The following TRERF1 variants were observed in gnomAD, a reference collection of about 807,000 sequenced individuals.
TRERF1 encodes transcriptional-regulating factor 1.
Under a neutral mutation model 122.9 loss-of-function variants are expected in TRERF1, and 27 were observed. That is an observed-to-expected ratio of 0.22 (90% CI 0.16 to 0.30). TRERF1 has a LOEUF of 0.30. TRERF1 is among the 10% of genes least tolerant of loss of function. The pLI, the probability that TRERF1 is intolerant of heterozygous loss-of-function variation, is 1.00. For synonymous variants in TRERF1, 636 were observed against 641.7 expected, an observed-to-expected ratio of 0.99 and a Z score of 0.13; for missense variants, 1,248 against 1,560.3, an observed-to-expected ratio of 0.80 and a Z score of 3.37.
chr6:42,417,583 A>G (rs981419098), intron 2 of TRERF1, among the ~76,000 whole-genome samples: 2 of 152,168 alleles, frequency 1.3e-5, no homozygotes, highest in African/African-American at 4.8e-5. Context: ...AAAGAGGAGG[A>G]ACGACTGGCC....
At chr6:42,385,829 T>C (rs1202603091) in intron 2 of TRERF1, among the ~76,000 whole-genome samples, 1 of 152,242 alleles carries the variant, frequency 6.6e-6, no homozygotes, top group African/African-American at 2.4e-5. Flanking sequence ...ATAAATCTTC[T>C]CTGCACAGTC....
chr6:42,269,134 G>C lies in TRERF1; in HGVS notation c.457C>G (p.Gln153Glu). The C allele has an allele frequency of 6.2e-7, 1 of 1,614,220 alleles. No individual in the cohort carries two copies. Among genetic ancestry groups the C allele is most frequent in the Non-Finnish European group, 8.5e-7 (1 of 1,180,036 alleles). ...TTGTTGACCTGAATTCGCAGGTTTT[G>C]GTTGGCAAACACCTGGGTGAAAGAG... Residue 153 changes from glutamine to glutamate, a missense_variant, in exon 5 of 18, where the codon CAA becomes GAA. Physicochemically the swap from Gln to Glu is conservative, Grantham distance 29. Transcript: ENST00000372922. The surrounding 1 kb of genome is among the most constrained non-coding windows in gnomAD (Gnocchi z 4.9).
intron 15 of TRERF1, among the ~76,000 whole-genome samples, chr6:42,239,957 C>G (rs573481746): frequency 1.3e-5 from 2 of 152,240 alleles, no homozygotes; most frequent in East Asian, 3.9e-4. Context: ...CTGGCCCAGC[C>G]TAACACTGGC....
At chr6:42,301,710 G>A (rs1238513422) in intron 3 of TRERF1, among the ~76,000 whole-genome samples, 1 of 152,176 alleles carries the variant, frequency 6.6e-6, no homozygotes, top group South Asian at 2.1e-4. Context: ...ACTAAGCACC[G>A]ACTCAATTTC....
chr6:42,257,109 A>G lies in TRERF1; in HGVS notation c.2337-7T>C. On this transcript the variant is annotated splice_region_variant and splice_polypyrimidine_tract_variant and intron_variant, in intron 10 of 17. Coordinates refer to ENST00000372922, the Ensembl canonical transcript of TRERF1. ...CAAGCCAATGTTGATGCGTCTTTAA[A>G]TGACAAGAAGAAAAACAACAATGTG... The G allele has an allele frequency of 6.2e-7, 1 of 1,613,942 alleles. No homozygotes were observed. The highest frequency in any genetic ancestry group is 8.5e-7 in the Non-Finnish European group (1 of 1,179,952).
chr6:42,422,918 C>T (rs1347836141), intron 2 of TRERF1, among the ~76,000 whole-genome samples: 2 of 152,120 alleles, frequency 1.3e-5, no homozygotes, highest in Non-Finnish European at 2.9e-5. Context: ...TGGCTCACCA[C>T]AACCTCCATC....
In TRERF1 at chr6:42,236,308, TC is replaced by T; in HGVS notation, c.2962del (p.Glu988SerfsTer43). On this transcript the variant is annotated frameshift_variant, in exon 16 of 18. Transcript: ENST00000372922. LOFTEE classifies it high-confidence loss of function. Reference sequence around the variant, plus strand: ...AGCCAGGACGGGGACGGGTGGTGGCTCCGGGGACTTCGGCACCTCACTCTCT... The same window carrying T: ...AGCCAGGACGGGGACGGGTGGTGGCTCGGGGACTTCGGCACCTCACTCTCT... 1 of 1,606,678 alleles carries T rather than the reference TC, an allele frequency of 6.2e-7. No individual in the cohort carries two copies. Among genetic ancestry groups the T allele is most frequent in the Non-Finnish European group, 8.5e-7 (1 of 1,176,652 alleles).
At chr6:42,424,216 C>T (rs1783271036) in intron 2 of TRERF1, among the ~76,000 whole-genome samples, 1 of 152,112 alleles carries the variant, frequency 6.6e-6, no homozygotes, top group Admixed American at 6.5e-5. Flanking sequence ...ACATGCTGCC[C>T]ACGTAAGCAA....
chr6:42,227,419 A>T (rs1769703235), exon 18 of TRERF1: 1 of 152,264 alleles, frequency 6.6e-6, no homozygotes. Context: ...GTTGCAAAAA[A>T]GAATAGGCTT....
At chr6:42,436,643 A>C (rs1054955664) in intron 2 of TRERF1, among the ~76,000 whole-genome samples, 12 of 151,668 alleles carry the variant, frequency 7.9e-5, no homozygotes, top group Non-Finnish European at 1.6e-4. Context: ...TTAAATTTTT[A>C]ATCACTAGAC....
rs1775112897 is a variant in TRERF1 at position 42,248,063 on chromosome 6, CTT to C, written c.2657-1521_2657-1520del. On this transcript the variant is annotated intron_variant, in intron 13 of 17. Transcript: ENST00000372922. ...GCAGTACAGGAAACCCTAATCGCCT[CTT>C]TCTTTGTAGGGTTTGGCCAAAATAA... 2.6e-5 allele frequency among the ~76,000 whole-genome samples: 4 copies of C among 152,298 alleles called. No homozygotes were observed. The South Asian group carries it at 8.3e-4, about 32-fold the overall frequency.
At chr6:42,448,115 T>C (rs945501254) in intron 2 of TRERF1, among the ~76,000 whole-genome samples, 2 of 152,204 alleles carry the variant, frequency 1.3e-5, no homozygotes, top group Non-Finnish European at 2.9e-5. Context: ...AATGATACTA[T>C]ATCATTATTA....
intron 13 of TRERF1, among the ~76,000 whole-genome samples, chr6:42,251,363 T>C (rs773100780): frequency 2.6e-5 from 4 of 152,148 alleles, no homozygotes; most frequent in Non-Finnish European, 5.9e-5. Context: ...GACTGTTTTA[T>C]ACCAAATTTT....
chr6:42,254,943 G>C lies in TRERF1; in HGVS notation c.2581-17C>G, dbSNP rs781741127. On this transcript the variant is annotated splice_polypyrimidine_tract_variant and intron_variant, in intron 12 of 17. Coordinates refer to ENST00000372922, the Ensembl canonical transcript of TRERF1. ...CAGAGCAACCTGCAGACCCAAAGGA[G>C]AGAAAAGGCAAGAGTCAGCAACTGG... 6 of 1,613,744 alleles carry C rather than the reference G, an allele frequency of 3.7e-6. No homozygotes were observed. Among genetic ancestry groups the C allele is most frequent in the Non-Finnish European group, 5.1e-6 (6 of 1,179,674 alleles).
chr6:42,356,950 TA>T (rs1770676360), intron 3 of TRERF1, among the ~76,000 whole-genome samples: 1 of 152,118 alleles, frequency 6.6e-6, no homozygotes, highest in Admixed American at 6.5e-5. Flanking sequence ...AATGTTGTGG[TA>T]ATGTCTGTCA....
At chr6:42,340,528 C>T (rs1196122938) in intron 3 of TRERF1, among the ~76,000 whole-genome samples, 2 of 152,144 alleles carry the variant, frequency 1.3e-5, no homozygotes. Context: ...TCTTCACACA[C>T]CACATAAGAA....
intron 3 of TRERF1, among the ~76,000 whole-genome samples, chr6:42,348,516 G>T (rs1768777207): frequency 6.6e-6 from 1 of 152,094 alleles, no homozygotes. Context: ...ACCTCCCAAA[G>T]TGCTGGGATT....
In TRERF1 at chr6:42,279,471, A is replaced by C. The variant is rs542961818; in HGVS notation, c.-258-9623T>G. On this transcript the variant is annotated intron_variant, in intron 4 of 17. Coordinates refer to ENST00000372922, the Ensembl canonical transcript of TRERF1. ...CCAGCGAAAGTGGGAATAAAGATAGAGGGGAAGTGGGCTGGCAGGGAGATC... is the reference window on the plus strand; with the variant it reads ...CCAGCGAAAGTGGGAATAAAGATAGCGGGGAAGTGGGCTGGCAGGGAGATC... Among the ~76,000 whole-genome samples the C allele has an allele frequency of 3.3e-5, 5 of 152,314 alleles. No homozygotes were observed. In the South Asian group the frequency reaches 1.0e-3, roughly 32 times the overall value.
intron 3 of TRERF1, among the ~76,000 whole-genome samples, chr6:42,301,530 A>G (rs1355272825): frequency 2.0e-5 from 3 of 152,234 alleles, no homozygotes; most frequent in Non-Finnish European, 4.4e-5. Context: ...GCCCAGCCGA[A>G]GGACCAGTTT....
Sources: gnomAD v4.1 joint callset for allele counts (sites outside exome capture counted in the v4.1 genomes callset) on GRCh38, gnomAD v4.1.1 for gene constraint, Gnocchi (gnomAD v3.1) non-coding constraint, MANE v1.5 for transcripts, NCBI Gene and HGNC (gene_info 2026-07-23, HGNC 2026-07-21) for gene names.